Variants in SESTD1 observed in about 807,000 individuals in gnomAD.
SESTD1 encodes the protein SEC14 domain and spectrin repeat-containing protein 1.
In SESTD1, 43 loss-of-function variants were observed where a neutral mutation model predicts 101.7. The ratio of observed to expected loss-of-function variants is 0.42; its 90% CI spans 0.33 to 0.55. The LOEUF is 0.55. Among genes scored for constraint, SESTD1 ranks in the 20% least tolerant of loss-of-function variants. SESTD1 has a pLI of 0.07. For missense variants in SESTD1, 647 were observed against 815.1 expected (o/e 0.79, Z 2.51); for synonymous variants, 283 against 286.8 (o/e 0.99, Z 0.13).
chr2:179,118,652 A>AT (rs2044686518), intron 13 of SESTD1, among the ~76,000 whole-genome samples: 1 of 152,238 alleles, frequency 6.6e-6, no homozygotes, highest in Non-Finnish European at 1.5e-5. Context: ...AAGGGAAGTG[A>AT]TAATTATTTT....
intron 9 of SESTD1, among the ~76,000 whole-genome samples, chr2:179,133,434 G>A (rs1163525299): frequency 6.6e-6 from 1 of 152,238 alleles, no homozygotes; most frequent in East Asian, 1.9e-4. Context: ...AAAGGGTTAA[G>A]CAAAGATCAA....
chr2:179,181,522 T>C (rs1311602498), intron 3 of SESTD1, among the ~76,000 whole-genome samples: 1 of 152,150 alleles, frequency 6.6e-6, no homozygotes, highest in African/African-American at 2.4e-5. Flanking sequence ...AACCTCAGAA[T>C]TGGACTTCAC....
chr2:179,174,479 CA>C (rs1438889294), intron 4 of SESTD1: 6 of 464,496 alleles, frequency 1.3e-5, no homozygotes, highest in African/African-American at 1.2e-4. Context: ...GTTGAAATGA[CA>C]GGATGAAAGG....
At chr2:179,209,318 A>G (rs181222922) in intron 1 of SESTD1, among the ~76,000 whole-genome samples, 1 of 134,686 alleles carries the variant, frequency 7.4e-6, no homozygotes, top group Non-Finnish European at 1.6e-5. Context: ...AGGTCATCAA[A>G]ATGGAAAGGC....
intron 9 of SESTD1, among the ~76,000 whole-genome samples, chr2:179,142,006 C>G (rs1407000425): frequency 6.6e-6 from 1 of 152,118 alleles, no homozygotes; most frequent in Non-Finnish European, 1.5e-5. Flanking sequence ...TCCTTCCTTC[C>G]TTCCTTTCAA....
chr2:179,185,778 C>A (rs1343989305), intron 2 of SESTD1, among the ~76,000 whole-genome samples: 2 of 107,316 alleles, frequency 1.9e-5, no homozygotes, highest in African/African-American at 3.5e-5. Context: ...ATAGCATATA[C>A]AATATAGTAT....
rs536516290 is a variant in SESTD1, at chr2:179,145,098, T to G, written c.638-1295A>C. 3.9e-5 allele frequency among the ~76,000 whole-genome samples: 6 copies of G among 152,276 alleles called. No individual in the cohort carries two copies. In the East Asian group the frequency reaches 1.2e-3, roughly 29 times the overall value. ...ATTCAGAATTTACTTCTTTATTATT[T>G]ATTACATTTTATAATTGGAAAAATA... On this transcript the variant is annotated intron_variant, in intron 8 of 17. Coordinates refer to ENST00000428443, the MANE Select transcript of SESTD1 (RefSeq NM_178123.5).
intron 11 of SESTD1, 94 bp from the exon 12 acceptor site, chr2:179,123,923 C>T (rs1334508230): frequency 1.2e-6 from 1 of 866,622 alleles, no homozygotes. Context: ...GAGGTTATCA[C>T]AATTACACTT....
At chr2:179,172,510 T>C (rs2045944687) in intron 4 of SESTD1, among the ~76,000 whole-genome samples, 2 of 152,222 alleles carry the variant, frequency 1.3e-5, no homozygotes, top group African/African-American at 4.8e-5. Context: ...ACTAGGAATA[T>C]GTTTAGCTTA....
intron 1 of SESTD1, among the ~76,000 whole-genome samples, chr2:179,260,269 T>C (rs959733244): frequency 2.0e-5 from 3 of 152,144 alleles, no homozygotes; most frequent in Non-Finnish European, 4.4e-5. Flanking sequence ...CAATGGCTCA[T>C]GTTAAGAAGG....
At position 179,105,760 on chromosome 2, in the gene SESTD1, C is replaced by T. The variant is rs1449378337; in HGVS notation, c.*4139G>A. 1 of 152,172 alleles carries T rather than the reference C, an allele frequency of 6.6e-6. No homozygotes were observed. Among genetic ancestry groups the T allele is most frequent in the East Asian group, 1.9e-4 (1 of 5,200 alleles). 9.4% of individuals were successfully genotyped at this position (152,172 alleles called of 1,614,324 possible). On this transcript the variant is annotated 3_prime_UTR_variant, in exon 18 of 18. Coordinates refer to ENST00000428443, the MANE Select transcript of SESTD1 (RefSeq NM_178123.5). ...AAATTGGTATGACTTCTCTGTTTTA[C>T]AGCCTGAGATAAATTCTCAGATATT...
intron 1 of SESTD1, among the ~76,000 whole-genome samples, chr2:179,230,113 C>CTCTTTTT (rs2046962437): frequency 3.5e-5 from 2 of 56,404 alleles, no homozygotes; most frequent in African/African-American, 6.1e-5. Context: ...GATTGTATCT[C>CTCTTTTT]TTTTTTTTTT....
At chr2:179,170,194 C>T (rs1334407644) in intron 5 of SESTD1, among the ~76,000 whole-genome samples, 2 of 149,080 alleles carry the variant, frequency 1.3e-5, no homozygotes, top group Non-Finnish European at 3.0e-5. Flanking sequence ...GTTTCTCCAC[C>T]TGTGAAATCA....
At chr2:179,134,229 G>C (rs1241386059) in intron 9 of SESTD1, among the ~76,000 whole-genome samples, 1 of 152,126 alleles carries the variant, frequency 6.6e-6, no homozygotes, top group African/African-American at 2.4e-5. Flanking sequence ...TGCTACTCCA[G>C]ATTTCAGTGT....
chr2:179,206,343 GA>G (rs149968965), intron 1 of SESTD1, among the ~76,000 whole-genome samples: 10,295 of 136,384 alleles, frequency 0.075, 2,334 homozygotes, highest in Middle Eastern at 0.13. Flanking sequence ...TGAAGTGTGA[GA>G]GGGGGAAAAG....
chr2:179,222,950 A>G (rs2046834966), intron 1 of SESTD1, among the ~76,000 whole-genome samples: 1 of 152,196 alleles, frequency 6.6e-6, no homozygotes, highest in African/African-American at 2.4e-5. Flanking sequence ...TTAATTTTAA[A>G]TAAACAAAAA....
At chr2:179,220,080 CCTATA>C (rs749032868) in intron 1 of SESTD1, among the ~76,000 whole-genome samples, 3 of 147,926 alleles carry the variant, frequency 2.0e-5, no homozygotes, top group East Asian at 1.9e-4. Context: ...CATTAAAAGT[CCTATA>C]CTATATTTAA....
chr2:179,201,727 A>C (rs1221655462), intron 1 of SESTD1, among the ~76,000 whole-genome samples: 1 of 124,612 alleles, frequency 8.0e-6, no homozygotes, highest in African/African-American at 3.3e-5. Context: ...GAACAATGAG[A>C]ACACATGGAC....
intron 1 of SESTD1, among the ~76,000 whole-genome samples, chr2:179,225,630 A>G (rs1015009598): frequency 2.0e-5 from 3 of 152,194 alleles, no homozygotes; most frequent in African/African-American, 7.2e-5. Flanking sequence ...CACCAGGTTC[A>G]GTGCCTGGTG....
Sources: allele counts gnomAD v4.1 joint callset (sites outside exome capture counted in the v4.1 genomes callset), GRCh38; gene constraint gnomAD v4.1.1; transcripts MANE v1.5; gene names NCBI Gene and HGNC (gene_info 2026-07-23, HGNC 2026-07-21).